The following ARHGEF26 variants were observed in gnomAD, a reference collection of about 807,000 sequenced individuals.
ARHGEF26 encodes the protein Rho guanine nucleotide exchange factor (GEF) 26.
Under a neutral mutation model 89.4 loss-of-function variants are expected in ARHGEF26, and 59 were observed. The ratio of observed to expected loss-of-function variants is 0.66; its 90% CI spans 0.54 to 0.82. The LOEUF is 0.82. ARHGEF26 is among the 40% of genes least tolerant of loss of function. The probability of loss-of-function intolerance (pLI) is 0.00; values close to 1 mark genes in which losing one functional copy is unlikely to be tolerated. For synonymous variants in ARHGEF26, 500 were observed against 428.4 expected (o/e 1.17, Z -2.06); for missense variants, 1,234 against 1,085.6 (o/e 1.14, Z -1.92).
chr3:154,123,565 C>G (rs944142872), intron 2 of ARHGEF26, among the ~76,000 whole-genome samples: 1 of 152,176 alleles, frequency 6.6e-6, no homozygotes, highest in Admixed American at 6.5e-5. Flanking sequence ...TGAGTGGTTA[C>G]TACGCACTTG....
chr3:154,225,426 G>A (rs1037769183), intron 10 of ARHGEF26, among the ~76,000 whole-genome samples: 10 of 152,040 alleles, frequency 6.6e-5, no homozygotes, highest in Admixed American at 3.9e-4. Flanking sequence ...TATTTGTCTC[G>A]TTAACCTATA....
At chr3:154,176,433 A>G (rs1712824850) in intron 6 of ARHGEF26, among the ~76,000 whole-genome samples, 1 of 152,192 alleles carries the variant, frequency 6.6e-6, no homozygotes, top group African/African-American at 2.4e-5. Flanking sequence ...GAAAATGACA[A>G]ACTCCCAGAA....
intron 12 of ARHGEF26, 143 bp from the exon 13 acceptor site, chr3:154,252,973 A>T: frequency 1.2e-6 from 1 of 804,706 alleles, no homozygotes; most frequent in Non-Finnish European, 2.0e-6. Context: ...TATCACTTTT[A>T]AACTACTCTC....
At chr3:154,244,196 A>T (rs1348968756) in intron 12 of ARHGEF26, among the ~76,000 whole-genome samples, 1 of 152,154 alleles carries the variant, frequency 6.6e-6, no homozygotes, top group East Asian at 1.9e-4. Context: ...TTTACACCTA[A>T]ATCTTTACTT....
chr3:154,246,745 G>C (rs1274162612), intron 12 of ARHGEF26, among the ~76,000 whole-genome samples: 1 of 152,166 alleles, frequency 6.6e-6, no homozygotes, highest in African/African-American at 2.4e-5. Flanking sequence ...CTTGGACCGT[G>C]ATATGTAGGA....
At chr3:154,168,629 T>C (rs899207198) in intron 6 of ARHGEF26, among the ~76,000 whole-genome samples, 5 of 152,052 alleles carry the variant, frequency 3.3e-5, no homozygotes, top group African/African-American at 9.7e-5. Flanking sequence ...GATTATCAAA[T>C]AGCATCTGTT....
intron 6 of ARHGEF26, among the ~76,000 whole-genome samples, chr3:154,186,724 T>C (rs945245134): frequency 2.6e-5 from 4 of 151,690 alleles, no homozygotes; most frequent in Admixed American, 2.6e-4. Context: ...ATAATGCCAG[T>C]GCACTCCAGC....
chr3:154,220,392 G>C (rs1230168580), intron 10 of ARHGEF26, among the ~76,000 whole-genome samples: 1 of 152,204 alleles, frequency 6.6e-6, no homozygotes, highest in African/African-American at 2.4e-5. Context: ...AAATGGAAGG[G>C]AGATGGACAA....
chr3:154,184,990 T>A (rs1713430229), intron 6 of ARHGEF26, among the ~76,000 whole-genome samples: 1 of 152,196 alleles, frequency 6.6e-6, no homozygotes, highest in Non-Finnish European at 1.5e-5. Context: ...TTGCTTCCAC[T>A]GCCCATTGTG....
intron 11 of ARHGEF26, among the ~76,000 whole-genome samples, chr3:154,229,908 A>T (rs1716731835): frequency 6.6e-6 from 1 of 151,026 alleles, no homozygotes; most frequent in Non-Finnish European, 1.5e-5. Context: ...CTCATAGATT[A>T]ACAAATAACA....
In ARHGEF26 at chr3:154,187,848, T is replaced by C. The variant is rs748741487; in HGVS notation, c.1640+11T>C. On this transcript the variant is annotated intron_variant, in intron 7 of 14. Coordinates refer to ENST00000465093, the MANE Select transcript of ARHGEF26 (RefSeq NM_015595.4). ...ACTACAAAAATTGTTGTAAGCAATG[T>C]CGAATGCTACAGTTTTAATCATCTA... 5 of 1,603,972 alleles carry C rather than the reference T, an allele frequency of 3.1e-6. No individual in the cohort carries two copies. Among genetic ancestry groups the C allele is most frequent in the Non-Finnish European group, 4.3e-6 (5 of 1,174,468 alleles).
At position 154,227,169 on chromosome 3, in the gene ARHGEF26, A is replaced by G. The variant is rs930309347; in HGVS notation, c.2090+1159A>G. On this transcript the variant is annotated intron_variant, in intron 11 of 14. Coordinates refer to ENST00000465093, the MANE Select transcript of ARHGEF26 (RefSeq NM_015595.4). ...CCTGAGAAGCCATAATGTGACAATG[A>G]TACATACATTAAAATGCTGATCATT... 3.3e-5 allele frequency among the ~76,000 whole-genome samples: 5 copies of G among 152,332 alleles called. No homozygotes were observed. The East Asian group carries it at 5.8e-4, about 18-fold the overall frequency.
At position 154,217,973 on chromosome 3, in the gene ARHGEF26, T is replaced by C. The variant is rs1486082957; in HGVS notation, c.1935+15T>C. Reference sequence around the variant, plus strand: ...TTAAAATTAAGGTATTCTCGTACCTTGTTCATTACTGTTCTTGCCTATGTT... The same window carrying C: ...TTAAAATTAAGGTATTCTCGTACCTCGTTCATTACTGTTCTTGCCTATGTT... On this transcript the variant is annotated intron_variant, in intron 10 of 14. Transcript: ENST00000465093. 6.5e-7 allele frequency: 1 copy of C among 1,548,970 alleles called. No homozygotes were observed. The highest frequency in any genetic ancestry group is 1.9e-5 in the Admixed American group (1 of 52,138).
chr3:154,254,871 G>A, intron 14 of ARHGEF26, 47 bp downstream of exon 14: 1 of 1,511,852 alleles, frequency 6.6e-7, no homozygotes, highest in Non-Finnish European at 9.2e-7. Context: ...AGGATGCAGA[G>A]TGCTATAGAC....
intron 12 of ARHGEF26, among the ~76,000 whole-genome samples, chr3:154,245,019 C>CT (rs1021247358): frequency 1.3e-5 from 2 of 152,060 alleles, no homozygotes; most frequent in African/African-American, 4.8e-5. Context: ...AGTCCAAAGA[C>CT]TTTATTATTT....
At chr3:154,214,646 A>G (rs1715604007) in intron 9 of ARHGEF26, among the ~76,000 whole-genome samples, 1 of 151,642 alleles carries the variant, frequency 6.6e-6, no homozygotes, top group African/African-American at 2.4e-5. Flanking sequence ...AGATAGTTGG[A>G]TCAGAGCCTA....
chr3:154,195,217 G>A (rs1211494525), intron 9 of ARHGEF26, among the ~76,000 whole-genome samples: 2 of 152,212 alleles, frequency 1.3e-5, no homozygotes, highest in Non-Finnish European at 2.9e-5. Flanking sequence ...AGGATTGGGG[G>A]AAGAGAGTGT....
At position 154,256,192 on chromosome 3, in the gene ARHGEF26, A is replaced by G; in HGVS notation, c.*719A>G. 2 of 985,836 alleles carry G rather than the reference A, an allele frequency of 2.0e-6. No individual in the cohort carries two copies. Among genetic ancestry groups the G allele is most frequent in the Non-Finnish European group, 2.4e-6 (2 of 829,984 alleles). The allele number at this position is 985,836 out of a possible 1,614,324, so 61.1% of individuals were successfully genotyped here. A position where few individuals can be genotyped will look rare whatever the true frequency, so the allele number is the denominator to read the frequency against. ...AGCTACCTTTAACAACGTAGAATTT[A>G]GATGGGTTCATATATGTGAGAAAAA... On this transcript the variant is annotated 3_prime_UTR_variant, in exon 15 of 15. Coordinates refer to ENST00000465093, the MANE Select transcript of ARHGEF26 (RefSeq NM_015595.4).
rs1164435928 is a variant in ARHGEF26 at position 154,124,206 on chromosome 3, TA to T, written c.1084-203del. Among the ~76,000 whole-genome samples the T allele has an allele frequency of 3.3e-5, 5 of 152,288 alleles. No individual in the cohort carries two copies. The East Asian group carries it at 7.7e-4, about 24-fold the overall frequency. ...AGGGTGTGGGGGATCTTGTACATTT[TA>T]TTTCATTGTTTCAGTGAATTGTAGT... On this transcript the variant is annotated intron_variant, in intron 2 of 14. Coordinates refer to ENST00000465093, the MANE Select transcript of ARHGEF26 (RefSeq NM_015595.4).
Sources: gnomAD v4.1 joint callset for allele counts (sites outside exome capture counted in the v4.1 genomes callset) on GRCh38, gnomAD v4.1.1 for gene constraint, MANE v1.5 for transcripts, NCBI Gene and HGNC (gene_info 2026-07-23, HGNC 2026-07-21) for gene names.